Variants in CLCN3 observed in about 807,000 individuals in gnomAD.
CLCN3 encodes H(+)/Cl(-) exchange transporter 3.
A neutral mutation model predicts 83.4 loss-of-function variants in CLCN3; 16 were observed. The ratio of observed to expected loss-of-function variants is 0.19; its 90% CI spans 0.13 to 0.29. The LOEUF (loss-of-function observed/expected upper bound fraction) is 0.29, where lower values mean the gene tolerates loss of function less well. Ranked by LOEUF, CLCN3 falls within the 10% of genes least tolerant of loss-of-function variation. The pLI, the probability that CLCN3 is intolerant of heterozygous loss-of-function variation, is 1.00. For missense variants in CLCN3, 544 were observed against 1,006.0 expected (o/e 0.54, Z 6.21); for synonymous variants, 322 against 346.2 (o/e 0.93, Z 0.78).
intron 1 of CLCN3, among the ~76,000 whole-genome samples, chr4:169,625,357 C>T (rs916800191): frequency 6.6e-6 from 1 of 152,158 alleles, no homozygotes; most frequent in Non-Finnish European, 1.5e-5. Context: ...TGTACCCAGT[C>T]AGTCTCCTTT....
intron 5 of CLCN3, 104 bp downstream of exon 5, chr4:169,689,334 A>G (rs1732277933): frequency 4.4e-6 from 4 of 901,274 alleles, no homozygotes; most frequent in East Asian, 5.6e-5. Context: ...TTACATACAC[A>G]TCAAATGGAT....
At chr4:169,706,546 C>G (rs1410797644) in intron 10 of CLCN3, among the ~76,000 whole-genome samples, 3 of 152,112 alleles carry the variant, frequency 2.0e-5, no homozygotes, top group African/African-American at 7.2e-5. Context: ...GAAATTATGT[C>G]TTTGCTACAG....
rs1437772121 is a variant in CLCN3, at chr4:169,620,726, G to A, written c.-354G>A. On this transcript the variant is annotated 5_prime_UTR_variant, in exon 1 of 13. Transcript: ENST00000513761. ...TACTTTACTCCCGAGTTAGAGCATG[G>A]ATTCAGTTTTAGTCTTAAGGGGGAA... The A allele has an allele frequency of 7.5e-6, 3 of 398,554 alleles. No homozygotes were observed. Among genetic ancestry groups the A allele is most frequent in the African/African-American group, 6.2e-5 (3 of 48,646 alleles). The allele number at this position is 398,554 out of a possible 1,614,324, so 24.7% of individuals were successfully genotyped here.
chr4:169,645,774 C>T (rs1447839867), intron 2 of CLCN3, among the ~76,000 whole-genome samples: 3 of 152,096 alleles, frequency 2.0e-5, no homozygotes, highest in Non-Finnish European at 2.9e-5. Context: ...CTTAAATTAG[C>T]CCTCAGTCCC....
At chr4:169,651,942 A>G (rs1730742765) in intron 2 of CLCN3, among the ~76,000 whole-genome samples, 1 of 152,216 alleles carries the variant, frequency 6.6e-6, no homozygotes, top group African/African-American at 2.4e-5. Context: ...TGTAAATAAG[A>G]TTAAACTAGA....
Position 169,690,588 on chromosome 4 carries a change from C to T in CLCN3, c.665C>T (p.Ala222Val). The T allele has an allele frequency of 6.2e-7, 1 of 1,613,730 alleles. No individual in the cohort carries two copies. The highest frequency in any genetic ancestry group is 1.1e-5 in the South Asian group (1 of 91,068). Reference sequence around the variant, plus strand: ...TACATCTTCTGGGCCTTGAGTTTTGCCTTTCTTGCAGTTTCCCTGGTAAAG... The same window carrying T: ...TACATCTTCTGGGCCTTGAGTTTTGTCTTTCTTGCAGTTTCCCTGGTAAAG... ...IMYIFWALSF[A>V]FLAVSLVKVF... The change falls in exon 6 of 13, where the codon GCC (alanine) becomes GTC (valine). Residue 222 changes from alanine to valine, a missense_variant. Ala to Val is a moderately conservative substitution (Grantham distance 64). This residue lies in a region of CLCN3 where 96 missense variants were observed against 202.1 expected (regional missense o/e 0.48). Transcript: ENST00000513761.
At chr4:169,667,296 C>CT (rs148913776) in intron 2 of CLCN3, among the ~76,000 whole-genome samples, 237 of 148,478 alleles carry the variant, frequency 1.6e-3, no homozygotes, top group African/African-American at 4.8e-3. Context: ...ATAATGAATC[C>CT]TTTTTTTTTT....
rs1732621637 is a variant in CLCN3, at chr4:169,697,738, A to G, written c.1563+4A>G. Reference sequence around the variant, plus strand: ...AGTATTCACTTTTGGCATCAAGGTAAGTGCTAATGTGAGGTGATATTTGGG... The same window carrying G: ...AGTATTCACTTTTGGCATCAAGGTAGGTGCTAATGTGAGGTGATATTTGGG... On this transcript the variant is annotated splice_donor_region_variant and intron_variant, in intron 9 of 12. Transcript: ENST00000513761. The G allele has an allele frequency of 1.3e-6, 2 of 1,587,592 alleles. No individual in the cohort carries two copies. Among genetic ancestry groups the G allele is most frequent in the South Asian group, 1.1e-5 (1 of 88,684 alleles).
intron 2 of CLCN3, among the ~76,000 whole-genome samples, chr4:169,665,722 A>G (rs1657001390): frequency 6.6e-6 from 1 of 152,202 alleles, no homozygotes; most frequent in Admixed American, 6.5e-5. Flanking sequence ...TTTTTTAAAA[A>G]GGTTCATATG....
At chr4:169,628,709 A>G (rs72694732) in intron 1 of CLCN3, among the ~76,000 whole-genome samples, 11,323 of 152,292 alleles carry the variant, frequency 0.074, 471 homozygotes, top group African/African-American at 0.12. Flanking sequence ...GAAATGTACA[A>G]TGGTACAGCC....
chr4:169,658,234 A>G (rs1297271960), intron 2 of CLCN3, among the ~76,000 whole-genome samples: 1 of 148,072 alleles, frequency 6.8e-6, no homozygotes, highest in African/African-American at 2.5e-5. Context: ...ATATAATTAT[A>G]TAGATATATA....
chr4:169,715,161 A>G (rs1466964550), intron 12 of CLCN3, among the ~76,000 whole-genome samples: 1 of 152,128 alleles, frequency 6.6e-6, no homozygotes, highest in African/African-American at 2.4e-5. Context: ...GTTAGGGATT[A>G]ATTTTCATAT....
At chr4:169,712,681 A>C (rs557659314) in intron 11 of CLCN3, among the ~76,000 whole-genome samples, 111 of 152,340 alleles carry the variant, frequency 7.3e-4, no homozygotes, top group Non-Finnish European at 1.4e-3. Flanking sequence ...AATAAGTAAC[A>C]TTCAGCAGAG....
chr4:169,638,250 C>A (rs979339360), intron 2 of CLCN3, among the ~76,000 whole-genome samples: 16 of 152,174 alleles, frequency 1.1e-4, no homozygotes, highest in Non-Finnish European at 2.2e-4. Flanking sequence ...TTTACCACTT[C>A]ATGGAAAATG....
intron 2 of CLCN3, among the ~76,000 whole-genome samples, chr4:169,678,055 G>A (rs539418225): frequency 6.6e-6 from 1 of 152,312 alleles, no homozygotes; most frequent in Non-Finnish European, 1.5e-5. Context: ...GTGAGATGAA[G>A]TGTATATCAT....
At chr4:169,652,903 C>T (rs2150213549) in intron 2 of CLCN3, among the ~76,000 whole-genome samples, 1 of 152,202 alleles carries the variant, frequency 6.6e-6, no homozygotes, top group South Asian at 2.1e-4. Context: ...TTCAGAGTAC[C>T]AGTTTGGGTC....
chr4:169,666,773 C>A (rs142944016), intron 2 of CLCN3, among the ~76,000 whole-genome samples: 148 of 152,276 alleles, frequency 9.7e-4, no homozygotes, highest in African/African-American at 3.4e-3. Context: ...CTACTACTTG[C>A]TAGCGGTGTG....
At chr4:169,650,809 C>T (rs531488515) in intron 2 of CLCN3, among the ~76,000 whole-genome samples, 4 of 152,292 alleles carry the variant, frequency 2.6e-5, no homozygotes, top group East Asian at 3.9e-4. Flanking sequence ...ACCTGTGTCT[C>T]CAGACTGCTT....
chr4:169,654,156 G>T (rs977595135), intron 2 of CLCN3, among the ~76,000 whole-genome samples: 1 of 152,020 alleles, frequency 6.6e-6, no homozygotes, highest in Non-Finnish European at 1.5e-5. Context: ...TTTTCATCCT[G>T]ATAATGGTTG....
Sources: gnomAD v4.1 joint callset for allele counts (sites outside exome capture counted in the v4.1 genomes callset) on GRCh38, gnomAD v4.1.1 for gene constraint, gnomAD v4.1.1 regional missense constraint, MANE v1.5 for transcripts, NCBI Gene and HGNC (gene_info 2026-07-23, HGNC 2026-07-21) for gene names.